The following MEFV variants were observed in gnomAD, a reference collection of about 807,000 sequenced individuals.
The protein encoded by MEFV is pyrin.
A neutral mutation model predicts 62.5 loss-of-function variants in MEFV; 60 were observed. The ratio of observed to expected loss-of-function variants is 0.96; its 90% confidence interval spans 0.78 to 1.19. The LOEUF (loss-of-function observed/expected upper bound fraction) is 1.19. MEFV is among the 50% of genes most tolerant of loss of function. The pLI, the probability that MEFV is intolerant of heterozygous loss-of-function variation, is 0.00. For synonymous variants in MEFV, 500 were observed against 415.2 expected (o/e 1.20, Z -2.48); for missense variants, 1,169 against 1,004.5 (o/e 1.16, Z -2.21).
At chr16:3,248,644 A>G (rs1330848946) in intron 4 of MEFV, 4 of 999,902 alleles carry the variant, frequency 4.0e-6, no homozygotes, top group Admixed American at 3.3e-5. Context: ...TTTCTGCAGT[A>G]GTCACCGGCA....
intron 6 of MEFV, 38 bp downstream of exon 6, chr16:3,246,487 C>T: frequency 6.2e-7 from 1 of 1,613,664 alleles, no homozygotes; most frequent in South Asian, 1.1e-5. Context: ...ATGCTTTCTG[C>T]AAGACACCCC....
Position 3,246,927 on chromosome 16 carries a change from G to T in MEFV, c.1587+89C>A, listed in dbSNP as rs1043098714. The T allele has an allele frequency of 7.0e-6, 9 of 1,290,252 alleles. 1 individual carries two copies. In the East Asian group the frequency reaches 1.4e-4, roughly 20 times the overall value. The allele number at this position is 1,290,252 out of a possible 1,614,324, so 79.9% of individuals were successfully genotyped here. A position where few individuals can be genotyped will look rare whatever the true frequency, so the allele number is the denominator to read the frequency against. ...TAGGCCTTAGGGGCTTCACCCACTT[G>T]TTCCAGCACGGCTGATGGCAGAGCT... is the stretch of plus-strand genomic sequence containing the variant. On this transcript the variant is annotated intron_variant, in intron 5 of 9. Transcript: ENST00000219596.
intron 5 of MEFV, 26 bp from the exon 6 acceptor site, chr16:3,246,573 C>T (rs1329018163): frequency 5.0e-6 from 8 of 1,613,922 alleles, no homozygotes; most frequent in Admixed American, 3.3e-5. Context: ...AGGAAACTGT[C>T]GGTTACCAGG....
rs574055513 is a variant in MEFV at position 3,244,277 on chromosome 16, C to A, written c.1736G>T (p.Arg579Leu). The stretch of plus-strand genomic sequence containing the variant: ...ACCATTGAACATTTCCATTTCTGAA[C>A]GCAGGGTTTCTAAAATGTGGGAAAG... ...KSTKYFSETLRSEMEMFNVPE... is the reference protein window; with the variant it reads ...KSTKYFSETLLSEMEMFNVPE... Residue 579 changes from arginine to leucine, a missense_variant, in exon 8 of 10, where the codon CGT (arginine) becomes CTT (leucine). Coordinates refer to ENST00000219596, the MANE Select transcript of MEFV (RefSeq NM_000243.3). 10 of 1,613,934 alleles carry A rather than the reference C, an allele frequency of 6.2e-6. No individual in the cohort carries two copies. The highest frequency in any genetic ancestry group is 1.3e-5 in the African/African-American group (1 of 74,884).
At chr16:3,245,548 C>T (rs1293836819) in intron 6 of MEFV, among the ~76,000 whole-genome samples, 1 of 151,958 alleles carries the variant, frequency 6.6e-6, no homozygotes, top group African/African-American at 2.4e-5. Context: ...GTGGGAGAAT[C>T]CCTTGAACCT....
At chr16:3,252,368 G>A (rs895288102) in intron 2 of MEFV, among the ~76,000 whole-genome samples, 4 of 151,018 alleles carry the variant, frequency 2.6e-5, no homozygotes, top group South Asian at 2.1e-4. Flanking sequence ...CTGCCTCCTC[G>A]GTTCAAGCAA....
chr16:3,248,166 G>C (rs1958973293), intron 4 of MEFV, among the ~76,000 whole-genome samples: 1 of 152,098 alleles, frequency 6.6e-6, no homozygotes, highest in Non-Finnish European at 1.5e-5. Flanking sequence ...GGCTGAGGCA[G>C]GAGAATTGCT....
chr16:3,244,258 G>C lies in MEFV; in HGVS notation c.1755C>G (p.Phe585Leu). The change falls in exon 8 of 10, where the codon TTC becomes TTG. Residue 585 changes from phenylalanine (F) to leucine (L), a missense_variant. Physicochemically the swap from Phe to Leu is conservative, Grantham distance 22 (BLOSUM62 0). Coordinates refer to ENST00000219596, the MANE Select transcript of MEFV (RefSeq NM_000243.3). ...CACCATTACCGCTGGACTCACCATT[G>C]AACATTTCCATTTCTGAACGCAGGG... ...SETLRSEMEM[F>L]NVPELIGAQA... is the part of the protein sequence containing the mutation. 5 of 1,614,010 alleles carry C rather than the reference G, an allele frequency of 3.1e-6. No homozygotes were observed. Among genetic ancestry groups the C allele is most frequent in the Non-Finnish European group, 3.4e-6 (4 of 1,180,000 alleles).
At chr16:3,251,974 T>A (rs1959040204) in intron 2 of MEFV, 1 of 432,586 alleles carries the variant, frequency 2.3e-6, no homozygotes, top group Non-Finnish European at 4.7e-6. Flanking sequence ...CCCAGCAGTT[T>A]CGGAGGCAAA....
chr16:3,251,700 G>C (rs1230523395), intron 2 of MEFV, among the ~76,000 whole-genome samples: 1 of 152,212 alleles, frequency 6.6e-6, no homozygotes, highest in East Asian at 1.9e-4. Context: ...GCATTGCTGT[G>C]AGGTTATTGT....
At chr16:3,244,104 G>A (rs952755206) in intron 8 of MEFV, 150 bp downstream of exon 8, 2 of 1,553,008 alleles carry the variant, frequency 1.3e-6, no homozygotes, top group Middle Eastern at 1.7e-4. Context: ...CACGCACAGA[G>A]CCTGGGGGGC....
rs1350012916 is a variant in MEFV at position 3,243,953 on chromosome 16, T to C, written c.1760-61A>G. On this transcript the variant is annotated intron_variant, in intron 8 of 9. Transcript: ENST00000219596. ...AGCATTAGCATTAAGAGGGGCTAAA[T>C]TACACTGTCCTGACAACAAGGAAAG... The C allele has an allele frequency of 1.9e-6, 3 of 1,605,306 alleles. No homozygotes were observed. The South Asian group carries it at 3.3e-5, about 18-fold the overall frequency.
intron 8 of MEFV, 100 bp downstream of exon 8, chr16:3,244,154 G>GT (rs3974658): frequency 0.011 from 14,323 of 1,280,558 alleles, no homozygotes; most frequent in Middle Eastern, 0.028. Context: ...CAGGTGTTTG[G>GT]TTTTTTTTTT....
chr16:3,246,240 T>C (rs1481784975), intron 6 of MEFV, among the ~76,000 whole-genome samples: 2 of 152,096 alleles, frequency 1.3e-5, no homozygotes, highest in Non-Finnish European at 2.9e-5. Flanking sequence ...CGGGACACAA[T>C]GCACTCGGAA....
intron 2 of MEFV, among the ~76,000 whole-genome samples, chr16:3,250,751 C>A (rs186342315): frequency 6.6e-6 from 1 of 150,904 alleles, no homozygotes. Context: ...CAAGGCCGAG[C>A]GCAGTGGCTC....
At chr16:3,250,064 C>G (rs1959010614) in intron 2 of MEFV, among the ~76,000 whole-genome samples, 1 of 152,188 alleles carries the variant, frequency 6.6e-6, no homozygotes, top group Non-Finnish European at 1.5e-5. Context: ...TCCTCCTGCA[C>G]AGACATAGAT....
chr16:3,254,574 G>T lies in MEFV; in HGVS notation c.494C>A (p.Ala165Asp). ...GCCCTGCGCGTCCAGGCCCTCCGAG[G>T]CCTTCTCTCTGCGTTTGCTCAGGGG... ...RKPLSKRREK[A>D]SEGLDAQGKP... The change falls in exon 2 of 10, where the codon GCC becomes GAC. Residue 165 changes from alanine to aspartate, a missense_variant. By Grantham distance (126) the Ala-to-Asp change is moderately radical. Coordinates refer to ENST00000219596, the MANE Select transcript of MEFV (RefSeq NM_000243.3). 1 of 1,581,566 alleles carries T rather than the reference G, an allele frequency of 6.3e-7. No individual in the cohort carries two copies. The highest frequency in any genetic ancestry group is 8.6e-7 in the Non-Finnish European group (1 of 1,167,824).
At chr16:3,252,619 C>T (rs1032334157) in intron 2 of MEFV, among the ~76,000 whole-genome samples, 8 of 151,810 alleles carry the variant, frequency 5.3e-5, no homozygotes, top group Non-Finnish European at 1.2e-4. Context: ...GTGATTTCTC[C>T]TCTCCAGCCA....
At chr16:3,252,714 G>T (rs1959054896) in intron 2 of MEFV, among the ~76,000 whole-genome samples, 1 of 150,814 alleles carries the variant, frequency 6.6e-6, no homozygotes, top group African/African-American at 2.4e-5. Flanking sequence ...TAAGGCGGGG[G>T]ATCGCTTGAG....
Sources: gnomAD v4.1 joint callset for allele counts (sites outside exome capture counted in the v4.1 genomes callset) on GRCh38, gnomAD v4.1.1 for gene constraint, MANE v1.5 for transcripts, NCBI Gene and HGNC (gene_info 2026-07-23, HGNC 2026-07-21) for gene names.